Variants in MEIS2 observed in about 807,000 individuals in gnomAD.
The protein encoded by MEIS2 is Meis homeobox 2.
A neutral mutation model predicts 58.6 loss-of-function variants in MEIS2; 9 were observed. The ratio of observed to expected loss-of-function variants is 0.15; its 90% CI spans 0.09 to 0.27. MEIS2 has a LOEUF of 0.27. Ranked by LOEUF, MEIS2 falls within the 10% of genes least tolerant of loss-of-function variation. The pLI is 1.00. For missense variants in MEIS2, 427 were observed against 635.0 expected (o/e 0.67, Z 3.52); for synonymous variants, 221 against 228.4 (o/e 0.97, Z 0.29).
chr15:36,931,644 T>C (rs991006589), intron 9 of MEIS2, among the ~76,000 whole-genome samples: 1 of 152,140 alleles, frequency 6.6e-6, no homozygotes, highest in Non-Finnish European at 1.5e-5. Flanking sequence ...AAAATGCATA[T>C]GGGGTTGGGC....
At chr15:37,091,183 A>C (rs1893468372) in intron 6 of MEIS2, among the ~76,000 whole-genome samples, 1 of 152,178 alleles carries the variant, frequency 6.6e-6, no homozygotes, top group African/African-American at 2.4e-5. Flanking sequence ...ACTTTGTAGA[A>C]GAGGCTGAAA....
At chr15:36,952,460 A>G (rs913681190) in intron 8 of MEIS2, among the ~76,000 whole-genome samples, 36 of 152,186 alleles carry the variant, frequency 2.4e-4, no homozygotes, top group African/African-American at 7.9e-4. Context: ...TGCATTGGTA[A>G]TGTCTTCCAG....
intron 9 of MEIS2, among the ~76,000 whole-genome samples, chr15:36,901,988 C>T (rs1048017551): frequency 2.0e-5 from 3 of 152,198 alleles, no homozygotes; most frequent in Non-Finnish European, 4.4e-5. Flanking sequence ...ATGTCCTCTG[C>T]CCTTTATTTG....
chr15:36,899,700 A>G (rs935235599), intron 9 of MEIS2, among the ~76,000 whole-genome samples: 10 of 152,176 alleles, frequency 6.6e-5, no homozygotes, highest in Non-Finnish European at 1.2e-4. Flanking sequence ...CTCCATTCAT[A>G]TGGAAAAATG....
chr15:36,910,500 C>T (rs1332603789), intron 9 of MEIS2, among the ~76,000 whole-genome samples: 2 of 152,064 alleles, frequency 1.3e-5, no homozygotes, highest in Non-Finnish European at 2.9e-5. Context: ...GAGGGGCACT[C>T]GGGTTCCAAG....
chr15:37,056,265 C>T (rs1055010549), intron 7 of MEIS2, among the ~76,000 whole-genome samples: 4 of 152,120 alleles, frequency 2.6e-5, no homozygotes, highest in South Asian at 2.1e-4. Context: ...ATATCATGCT[C>T]GCAGATTTTC....
chr15:36,942,393 T>G (rs987310263), intron 9 of MEIS2, among the ~76,000 whole-genome samples: 7 of 152,166 alleles, frequency 4.6e-5, no homozygotes, highest in Non-Finnish European at 7.4e-5. Context: ...ATTTAGAGAA[T>G]AGAGGGAACA....
At chr15:36,927,060 C>A (rs1484375800) in intron 9 of MEIS2, among the ~76,000 whole-genome samples, 1 of 152,180 alleles carries the variant, frequency 6.6e-6, no homozygotes, top group African/African-American at 2.4e-5. Flanking sequence ...ATTTGGGCAT[C>A]TTTTCTTCCT....
intron 8 of MEIS2, among the ~76,000 whole-genome samples, chr15:37,029,566 G>A (rs1324282656): frequency 6.6e-6 from 1 of 152,104 alleles, no homozygotes; most frequent in African/African-American, 2.4e-5. Context: ...AGAAATTGGG[G>A]GTGCAGGATG....
chr15:36,971,506 A>G (rs2059556275), intron 8 of MEIS2, among the ~76,000 whole-genome samples: 1 of 126,036 alleles, frequency 7.9e-6, no homozygotes, highest in Non-Finnish European at 1.6e-5. Flanking sequence ...GGCCAAATTC[A>G]GCCCTGTATT....
At chr15:36,917,833 TC>T (rs2057344979) in intron 9 of MEIS2, among the ~76,000 whole-genome samples, 1 of 152,234 alleles carries the variant, frequency 6.6e-6, no homozygotes, top group Non-Finnish European at 1.5e-5. Flanking sequence ...GAGTAGGAAT[TC>T]TTTACACACA....
chr15:36,928,798 C>T (rs972938271), intron 9 of MEIS2, among the ~76,000 whole-genome samples: 2 of 152,074 alleles, frequency 1.3e-5, no homozygotes, highest in African/African-American at 2.4e-5. Flanking sequence ...TTAGTTAGAA[C>T]CAATTGAAAA....
intron 7 of MEIS2, among the ~76,000 whole-genome samples, chr15:37,080,652 A>G (rs1892087036): frequency 6.6e-6 from 1 of 152,122 alleles, no homozygotes. Flanking sequence ...AGGGCCAGTT[A>G]CTTCCCCAGA....
chr15:37,072,439 G>A (rs1890829728), intron 7 of MEIS2, among the ~76,000 whole-genome samples: 1 of 152,046 alleles, frequency 6.6e-6, no homozygotes, highest in Non-Finnish European at 1.5e-5. Context: ...TTAAGCATAA[G>A]CTTCTTAGTG....
At chr15:36,948,019 G>A (rs536040984) in intron 9 of MEIS2, among the ~76,000 whole-genome samples, 1 of 151,966 alleles carries the variant, frequency 6.6e-6, no homozygotes, top group East Asian at 1.9e-4. Context: ...TTTTTTAGAG[G>A]TATTTGCTAT....
intron 6 of MEIS2, among the ~76,000 whole-genome samples, chr15:37,088,609 CT>C (rs1012527663): frequency 3.9e-5 from 6 of 152,098 alleles, no homozygotes; most frequent in African/African-American, 1.4e-4. Context: ...CCTATGTGTG[CT>C]TTCAGAACCT....
intron 8 of MEIS2, among the ~76,000 whole-genome samples, chr15:36,990,129 T>G (rs1216918640): frequency 3.3e-5 from 5 of 152,054 alleles, no homozygotes; most frequent in Non-Finnish European, 5.9e-5. Flanking sequence ...GTATTTTTAG[T>G]AGAGACAGGG....
At chr15:37,035,240 C>T (rs180680957) in intron 8 of MEIS2, among the ~76,000 whole-genome samples, 87 of 152,200 alleles carry the variant, frequency 5.7e-4, no homozygotes, top group African/African-American at 2.0e-3. Flanking sequence ...CACAGTCACT[C>T]GACTTCCAAA....
At chr15:37,035,634 C>T (rs1406794904) in intron 8 of MEIS2, among the ~76,000 whole-genome samples, 1 of 152,168 alleles carries the variant, frequency 6.6e-6, no homozygotes, top group African/African-American at 2.4e-5. Flanking sequence ...ATTGGTTCTC[C>T]CAGCTAATCC....
Sources: gnomAD v4.1 joint callset for allele counts (sites outside exome capture counted in the v4.1 genomes callset) on GRCh38, gnomAD v4.1.1 for gene constraint, MANE v1.5 for transcripts, NCBI Gene and HGNC (gene_info 2026-07-23, HGNC 2026-07-21) for gene names.